The following AACS variants were observed in gnomAD, a reference collection of about 807,000 sequenced individuals.
The protein encoded by AACS is acetoacetate-CoA ligase.
A neutral mutation model predicts 83.1 loss-of-function variants in AACS; 69 were observed. The observed-to-expected ratio is 0.83, with a 90% CI of 0.68 to 1.01. The LOEUF (loss-of-function observed/expected upper bound fraction) is 1.01. Ranked by LOEUF, AACS falls within the 50% of genes least tolerant of loss-of-function variation. AACS has a pLI of 0.00. For missense variants in AACS, 866 were observed against 882.2 expected, an observed-to-expected ratio of 0.98 and a Z score of 0.23; for synonymous variants, 333 against 343.4, an observed-to-expected ratio of 0.97 and a Z score of 0.33.
At chr12:125,114,043 C>T (rs1471845082) in intron 8 of AACS, among the ~76,000 whole-genome samples, 1 of 151,266 alleles carries the variant, frequency 6.6e-6, no homozygotes, top group African/African-American at 2.4e-5. Context: ...ACCCCCACCA[C>T]ATCCCCCTCA....
rs951293969 is a variant in AACS, at chr12:125,097,472, G to T, written c.571-5207G>T. Among the ~76,000 whole-genome samples, 3 of 151,346 alleles carry T rather than the reference G, an allele frequency of 2.0e-5. No homozygotes were observed. The highest frequency in any genetic ancestry group is 4.4e-5 in the Non-Finnish European group (3 of 67,888). On this transcript the variant is annotated intron_variant, in intron 5 of 17. Coordinates refer to ENST00000316519, the MANE Select transcript of AACS (RefSeq NM_023928.5). This position sits in a 1 kb window ranked among gnomAD's most constrained non-coding sequence, Gnocchi z 4.3. ...AAAAGTGCGTTGGGGCAGCTCCAAG[G>T]GCGTCTCTGTAATAATGTCACAGTC...
At chr12:125,073,784 G>A (rs1457833182) in intron 1 of AACS, 92 bp from the exon 2 acceptor site, 1 of 1,045,312 alleles carries the variant, frequency 9.6e-7, no homozygotes, top group Admixed American at 2.2e-5. Context: ...TGGCTCGCTT[G>A]GACATGCTCA....
rs1957011534 is a variant in AACS, at chr12:125,114,318, T to C, written c.916-159T>C. On this transcript the variant is annotated intron_variant, in intron 8 of 17. Coordinates refer to ENST00000316519, the MANE Select transcript of AACS (RefSeq NM_023928.5). The stretch of plus-strand genomic sequence containing the variant: ...GGGGGCATGGCTCATCACAGGGGAG[T>C]GGGGGGAACCCTCCAAAGTCTGCTT... 4 of 561,576 alleles carry C rather than the reference T, an allele frequency of 7.1e-6. No homozygotes were observed. The South Asian group carries it at 9.2e-5, about 13-fold the overall frequency. The allele number at this position is 561,576 out of a possible 1,614,324, so 34.8% of individuals were successfully genotyped here.
In AACS at chr12:125,113,652, C is replaced by A. The variant is rs1276133215; in HGVS notation, c.916-825C>A. Among the ~76,000 whole-genome samples the A allele has an allele frequency of 6.6e-6, 1 of 152,208 alleles. No homozygotes were observed. Among genetic ancestry groups the A allele is most frequent in the Non-Finnish European group, 1.5e-5 (1 of 68,044 alleles). On this transcript the variant is annotated intron_variant, in intron 8 of 17. Coordinates refer to ENST00000316519, the MANE Select transcript of AACS (RefSeq NM_023928.5). This position sits in a 1 kb window ranked among gnomAD's most constrained non-coding sequence, Gnocchi z 4.8. ...TGCCAAGGAAGAGCTCCCAGGTGTG[C>A]TGTTAGGTGGAAAAGGCAAAGTGCG... is the stretch of plus-strand genomic sequence containing the variant.
At chr12:125,083,446 C>T (rs955660207) in intron 3 of AACS, among the ~76,000 whole-genome samples, 5 of 152,112 alleles carry the variant, frequency 3.3e-5, no homozygotes, top group African/African-American at 7.2e-5. Flanking sequence ...TTGTGGAGGC[C>T]GGCTACACAC....
intron 3 of AACS, among the ~76,000 whole-genome samples, chr12:125,080,756 ATCTCG>A (rs1395649423): frequency 1.3e-5 from 2 of 151,644 alleles, no homozygotes; most frequent in Non-Finnish European, 2.9e-5. Flanking sequence ...CAGTGGCTTG[ATCTCG>A]GCTCACTGCA....
chr12:125,102,638 C>A, intron 5 of AACS, 41 bp from the exon 6 acceptor site: 2 of 1,593,588 alleles, frequency 1.3e-6, no homozygotes, highest in South Asian at 2.2e-5. Context: ...TGGTTTTTGC[C>A]TTTTGGATGA....
intron 5 of AACS, among the ~76,000 whole-genome samples, chr12:125,099,558 G>T (rs1445674339): frequency 6.6e-6 from 1 of 152,224 alleles, no homozygotes; most frequent in Non-Finnish European, 1.5e-5. Context: ...ATATGAGGGT[G>T]ATAAGGCCAC....
chr12:125,103,987 CAAAAAAAAAAAAAAAAAAAA>C (rs71092274), intron 7 of AACS, among the ~76,000 whole-genome samples: 18 of 41,226 alleles, frequency 4.4e-4, no homozygotes, highest in Middle Eastern at 0.02. Flanking sequence ...AACTCCGTCT[CAAAAAAAAAAAAAAAAAAAA>C]AAAAAAAAAA....
At chr12:125,074,089 G>A in intron 2 of AACS, 110 bp downstream of exon 2, 2 of 883,596 alleles carry the variant, frequency 2.3e-6, no homozygotes, top group Non-Finnish European at 3.6e-6. Context: ...ACCTCATGCA[G>A]ATGGGAAAAA....
rs959204811 is a variant in AACS, at chr12:125,142,797, G to A, written c.*568G>A. The stretch of plus-strand genomic sequence containing the variant: ...CATGGATGCAATGCAGGCCCTGGAG[G>A]ACTGTGCGTCACCCGTCAACCAGAG... On this transcript the variant is annotated 3_prime_UTR_variant, in exon 18 of 18. Transcript: ENST00000316519. The A allele has an allele frequency of 1.3e-5, 2 of 153,034 alleles. No individual in the cohort carries two copies. Among genetic ancestry groups the A allele is most frequent in the African/African-American group, 4.8e-5 (2 of 41,472 alleles). 9.5% of individuals were successfully genotyped at this position (153,034 alleles called of 1,614,324 possible). A position where few individuals can be genotyped will look rare whatever the true frequency, so the allele number is the denominator to read the frequency against.
At position 125,081,082 on chromosome 12, in the gene AACS, T is replaced by C. The variant is rs115850734; in HGVS notation, c.358+4471T>C. On this transcript the variant is annotated intron_variant, in intron 3 of 17. Coordinates refer to ENST00000316519, the MANE Select transcript of AACS (RefSeq NM_023928.5). ...ATCACAGTTCACTGCAATCTCCACC[T>C]CCCCAGTTCAAGCCATCCTTCCACC... 5.7e-3 allele frequency among the ~76,000 whole-genome samples: 872 copies of C among 152,250 alleles called. 6 individuals are homozygous for C. The highest frequency in any genetic ancestry group is 0.02 in the African/African-American group (847 of 41,520).
chr12:125,111,417 A>G (rs1956950523), intron 8 of AACS, among the ~76,000 whole-genome samples: 1 of 152,238 alleles, frequency 6.6e-6, no homozygotes, highest in Non-Finnish European at 1.5e-5. Context: ...CATTTTTTTA[A>G]GAGGAGCATA....
At chr12:125,110,543 AG>A (rs996617111) in intron 8 of AACS, among the ~76,000 whole-genome samples, 1 of 152,080 alleles carries the variant, frequency 6.6e-6, no homozygotes, top group Non-Finnish European at 1.5e-5. Context: ...ACGCTGCTCT[AG>A]GCTCTCCTCT....
intron 12 of AACS, chr12:125,127,621 T>A (rs1188397845): frequency 6.6e-6 from 1 of 152,192 alleles, no homozygotes; most frequent in Non-Finnish European, 1.5e-5. Flanking sequence ...TTTTTGTATT[T>A]TTAGTAGAGA....
At chr12:125,072,118 A>G (rs1256622204) in intron 1 of AACS, among the ~76,000 whole-genome samples, 1 of 149,578 alleles carries the variant, frequency 6.7e-6, no homozygotes, top group African/African-American at 2.5e-5. Flanking sequence ...CGGCCTCCCA[A>G]AGGGTTGGGA....
rs189340503 is a variant in AACS, at chr12:125,131,932, A to T, written c.1550-2071A>T. The stretch of plus-strand genomic sequence containing the variant: ...ATTTTTAAAAACTTAAAATTTTAAA[A>T]GAAAGTAAAAGCAGACTTAAGATTT... On this transcript the variant is annotated intron_variant, in intron 14 of 17. Transcript: ENST00000316519. Among the ~76,000 whole-genome samples, 153 of 152,358 alleles carry T rather than the reference A, an allele frequency of 1.0e-3. 1 individual carries two copies. Among genetic ancestry groups the T allele is most frequent in the African/African-American group, 3.6e-3 (148 of 41,578 alleles).
chr12:125,119,039 C>G (rs1007899016), intron 10 of AACS, among the ~76,000 whole-genome samples: 1 of 152,180 alleles, frequency 6.6e-6, no homozygotes, highest in African/African-American at 2.4e-5. Flanking sequence ...AATCTCATTT[C>G]TTTTAAGAAT....
chr12:125,095,514 C>G (rs111560467), intron 5 of AACS, among the ~76,000 whole-genome samples: 2,263 of 152,282 alleles, frequency 0.015, 62 homozygotes, highest in African/African-American at 0.052. Context: ...CTCCGGGGCT[C>G]TCCCAGGCTG....
Sources: allele counts gnomAD v4.1 joint callset (sites outside exome capture counted in the v4.1 genomes callset), GRCh38; gene constraint gnomAD v4.1.1; non-coding constraint Gnocchi (gnomAD v3.1); transcripts MANE v1.5; gene names NCBI Gene and HGNC (gene_info 2026-07-23, HGNC 2026-07-21).